The following TRPM3 variants were observed in gnomAD, a reference collection of about 807,000 sequenced individuals.
TRPM3 encodes the protein transient receptor potential cation channel subfamily M member 3.
TRPM3 carries 77 observed loss-of-function variants against 181.2 expected under a neutral mutation model. The ratio of observed to expected loss-of-function variants is 0.42; its 90% CI spans 0.35 to 0.51. TRPM3 has a LOEUF of 0.51. Ranked by LOEUF, TRPM3 falls within the 20% of genes least tolerant of loss-of-function variation. The pLI is 0.01. For missense variants in TRPM3, 1,759 were observed against 2,196.7 expected, an observed-to-expected ratio of 0.80 and a Z score of 3.98; for synonymous variants, 745 against 796.4, an observed-to-expected ratio of 0.94 and a Z score of 1.09.
intron 1 of TRPM3, among the ~76,000 whole-genome samples, chr9:71,316,021 A>G (rs1006907002): frequency 5.3e-5 from 8 of 152,188 alleles, no homozygotes; most frequent in African/African-American, 1.9e-4. Flanking sequence ...ATTTTACCTT[A>G]GTAGTTTTCA....
chr9:71,285,105 T>C (rs980944455), intron 1 of TRPM3, among the ~76,000 whole-genome samples: 1 of 152,214 alleles, frequency 6.6e-6, no homozygotes, highest in Non-Finnish European at 1.5e-5. Flanking sequence ...ACTCTAGTAA[T>C]GTGTTTACAT....
upstream of TRPM3, among the ~76,000 whole-genome samples, chr9:71,123,019 T>C (rs1424364306): frequency 6.6e-6 from 1 of 152,180 alleles, no homozygotes; most frequent in Admixed American, 6.5e-5. Flanking sequence ...ATGGAGTAGG[T>C]GTTATGGTCA....
rs35877663 is a variant in TRPM3 at position 71,180,050 on chromosome 9, CTTTTTTTTT to C, written c.183+266594_183+266602del. Among the ~76,000 whole-genome samples the C allele has an allele frequency of 5.3e-4, 54 of 101,182 alleles. 1 individual carries two copies. The highest frequency in any genetic ancestry group is 2.0e-3 in the African/African-American group (54 of 26,718). The allele number at this position is 101,182 out of a possible 152,430, so 66.4% of individuals were successfully genotyped here. A position where few individuals can be genotyped will look rare whatever the true frequency, so the allele number is the denominator to read the frequency against. ...GGGGAGAACCTTATCATACATCCTTCTTTTTTTTTTTTTTTTTTTTTGAGACAGAGTTTC... is the reference window on the plus strand; with the variant it reads ...GGGGAGAACCTTATCATACATCCTTCTTTTTTTTTTTTGAGACAGAGTTTC... On this transcript the variant is annotated intron_variant, in intron 1 of 24. Transcript: ENST00000357533.
intron 1 of TRPM3, among the ~76,000 whole-genome samples, chr9:71,382,307 C>A (rs1277686406): frequency 6.6e-6 from 1 of 152,068 alleles, no homozygotes; most frequent in Non-Finnish European, 1.5e-5. Context: ...ATAGGATTTA[C>A]CATGTGCCAA....
At chr9:71,401,308 G>A (rs929036884) in intron 1 of TRPM3, among the ~76,000 whole-genome samples, 1 of 152,094 alleles carries the variant, frequency 6.6e-6, no homozygotes, top group East Asian at 1.9e-4. Flanking sequence ...GGAAGATGAG[G>A]GAAGGTTAGA....
intron 22 of TRPM3, among the ~76,000 whole-genome samples, chr9:70,581,021 G>A (rs1005919338): frequency 6.6e-6 from 1 of 152,206 alleles, no homozygotes; most frequent in South Asian, 2.1e-4. Flanking sequence ...TTGAATGAAT[G>A]AACCCATTCA....
intron 1 of TRPM3, among the ~76,000 whole-genome samples, chr9:71,044,773 G>A (rs941041006): frequency 6.6e-6 from 1 of 152,036 alleles, no homozygotes; most frequent in Non-Finnish European, 1.5e-5. Context: ...CCGGGTTCAC[G>A]CCATTCTCCT....
In TRPM3 at chr9:71,314,661, T is replaced by C. The variant is rs142336327; in HGVS notation, c.183+131992A>G. Among the ~76,000 whole-genome samples the C allele has an allele frequency of 9.2e-5, 14 of 152,190 alleles. No homozygotes were observed. In the East Asian group the frequency reaches 1.5e-3, roughly 17 times the overall value. ...ATCTGCTCCCAGACGGGAATCATCA[T>C]TTAGCAGTGAGGCCACAGGTTAGAA... On this transcript the variant is annotated intron_variant, in intron 1 of 24. Coordinates refer to the TRPM3 transcript ENST00000357533.
rs1045481088 is a variant in TRPM3, at chr9:71,351,543, GAATA to G, written c.183+95106_183+95109del. The stretch of plus-strand genomic sequence containing the variant: ...TTTAAATGTCTGTCAACAGGAGAAT[GAATA>G]AATAAATCATTGTCTTTTTAAACAG... On this transcript the variant is annotated intron_variant, in intron 1 of 24. Transcript: ENST00000357533. Among the ~76,000 whole-genome samples the G allele has an allele frequency of 5.3e-5, 8 of 152,214 alleles. No individual in the cohort carries two copies. The East Asian group carries it at 5.8e-4, about 11-fold the overall frequency.
intron 1 of TRPM3, among the ~76,000 whole-genome samples, chr9:70,956,174 G>A (rs148821153): frequency 2.5e-4 from 38 of 152,138 alleles, no homozygotes; most frequent in African/African-American, 7.5e-4. Flanking sequence ...CATGTTGGGC[G>A]TAACAGACCA....
chr9:71,262,407 G>A (rs2083120621), intron 1 of TRPM3, among the ~76,000 whole-genome samples: 1 of 152,172 alleles, frequency 6.6e-6, no homozygotes, highest in Admixed American at 6.5e-5. Flanking sequence ...AGACTGCTGT[G>A]CTGGCAGTGA....
chr9:70,627,827 C>T (rs1035095093), intron 12 of TRPM3, among the ~76,000 whole-genome samples: 2 of 152,182 alleles, frequency 1.3e-5, no homozygotes, highest in Non-Finnish European at 2.9e-5. Flanking sequence ...AGTCCCCTCA[C>T]AAAAATGACC....
chr9:70,622,616 G>A (rs1327357599), intron 14 of TRPM3, among the ~76,000 whole-genome samples: 1 of 152,186 alleles, frequency 6.6e-6, no homozygotes, highest in Non-Finnish European at 1.5e-5. Flanking sequence ...AGGCTGAGTC[G>A]GAGAGAAAAG....
chr9:71,348,457 AT>A (rs11314389), intron 1 of TRPM3, among the ~76,000 whole-genome samples: 72,494 of 147,618 alleles, frequency 0.49, 18,122 homozygotes, highest in African/African-American at 0.6. Flanking sequence ...GACTTTTCCC[AT>A]TTTTTTTTTT....
intron 1 of TRPM3, among the ~76,000 whole-genome samples, chr9:71,113,271 G>C (rs2071538362): frequency 6.6e-6 from 1 of 152,122 alleles, no homozygotes; most frequent in African/African-American, 2.4e-5. Context: ...GTGGAACAGA[G>C]ATATATTTAT....
At chr9:71,375,464 G>A (rs1234871560) in intron 1 of TRPM3, among the ~76,000 whole-genome samples, 1 of 152,138 alleles carries the variant, frequency 6.6e-6, no homozygotes, top group Non-Finnish European at 1.5e-5. Flanking sequence ...ATAGGCATGG[G>A]CAAAGATTTC....
Position 71,262,385 on chromosome 9 carries a change from C to G in TRPM3, c.183+184268G>C, listed in dbSNP as rs118111024. Among the ~76,000 whole-genome samples, 55 of 152,302 alleles carry G rather than the reference C, an allele frequency of 3.6e-4. No homozygotes were observed. The East Asian group carries it at 9.7e-3, about 27-fold the overall frequency. On this transcript the variant is annotated intron_variant, in intron 1 of 24. Transcript: ENST00000357533. ...CTCCCCCAACCAAGCTCCAGTGTCT[C>G]AGGTCAACTTCAGACTGCTGTGCTG...
At chr9:70,651,293 C>A (rs568566446) in intron 9 of TRPM3, among the ~76,000 whole-genome samples, 1 of 152,200 alleles carries the variant, frequency 6.6e-6, no homozygotes, top group East Asian at 1.9e-4. Flanking sequence ...TTTTGTTATT[C>A]TTTCTTAGAA....
chr9:70,962,629 C>T (rs1392448994), intron 1 of TRPM3, among the ~76,000 whole-genome samples: 2 of 152,126 alleles, frequency 1.3e-5, no homozygotes, highest in African/African-American at 2.4e-5. Flanking sequence ...TCCTATGCAA[C>T]ATAAACTATG....
Sources: allele counts gnomAD v4.1 joint callset (sites outside exome capture counted in the v4.1 genomes callset), GRCh38; gene constraint gnomAD v4.1.1; transcripts MANE v1.5; gene names NCBI Gene and HGNC (gene_info 2026-07-23, HGNC 2026-07-21).